HEMK2: variants seen among roughly 807,000 people sequenced by gnomAD.
HEMK2 encodes methyltransferase HEMK2.
the HEMK2 span, among the ~76,000 whole-genome samples, chr21:28,847,245 G>A: frequency 2.0e-5 from 3 of 152,158 alleles, no homozygotes; most frequent in Admixed American, 1.3e-4. Context: ...CACCAGCAAT[G>A]TATAAGCATT....
At chr21:28,663,435 T>A in the HEMK2 span, among the ~76,000 whole-genome samples, 1 of 152,216 alleles carries the variant, frequency 6.6e-6, no homozygotes, top group Non-Finnish European at 1.5e-5. Flanking sequence ...TTAAACATTG[T>A]ACCAGCCAAA....
chr21:28,646,685 T>C, the HEMK2 span, among the ~76,000 whole-genome samples: 2 of 152,202 alleles, frequency 1.3e-5, no homozygotes, highest in African/African-American at 4.8e-5. Flanking sequence ...TCATGGGCCA[T>C]GCATGTAAAA....
the HEMK2 span, among the ~76,000 whole-genome samples, chr21:28,761,263 C>T: frequency 7.7e-3 from 1,173 of 151,414 alleles, 15 homozygotes; most frequent in African/African-American, 0.027. Context: ...AACAATTCAG[C>T]GAAAAAAATA....
the HEMK2 span, among the ~76,000 whole-genome samples, chr21:28,603,661 T>G: frequency 2.6e-5 from 4 of 151,754 alleles, no homozygotes; most frequent in African/African-American, 9.7e-5. Context: ...TTGCATTTCC[T>G]TCTTAATTCT....
chr21:28,845,027 C>T, the HEMK2 span, among the ~76,000 whole-genome samples: 1 of 151,988 alleles, frequency 6.6e-6, no homozygotes, highest in African/African-American at 2.4e-5. Flanking sequence ...GGAAAAGATG[C>T]TCTCAGTTCA....
the HEMK2 span, among the ~76,000 whole-genome samples, chr21:28,691,238 A>G: frequency 2.8e-5 from 3 of 105,462 alleles, no homozygotes; most frequent in African/African-American, 1.8e-4. Context: ...CCAGTGAGAC[A>G]GTTCATATGA....
the HEMK2 span, among the ~76,000 whole-genome samples, chr21:28,607,671 C>T: frequency 3.3e-5 from 5 of 152,178 alleles, no homozygotes; most frequent in African/African-American, 1.2e-4. Flanking sequence ...CTCATTCTGT[C>T]TTATTTATTA....
chr21:28,744,733 T>C, the HEMK2 span, among the ~76,000 whole-genome samples: 1 of 152,236 alleles, frequency 6.6e-6, no homozygotes, highest in African/African-American at 2.4e-5. Context: ...TTCAACCACA[T>C]AAATGCATTA....
At chr21:28,776,203 G>A in the HEMK2 span, among the ~76,000 whole-genome samples, 1 of 152,200 alleles carries the variant, frequency 6.6e-6, no homozygotes. Flanking sequence ...AGGGTAAGCA[G>A]CCCTAATTAG....
the HEMK2 span, among the ~76,000 whole-genome samples, chr21:28,688,915 C>A: frequency 6.6e-6 from 1 of 152,018 alleles, no homozygotes; most frequent in Non-Finnish European, 1.5e-5. Context: ...CCAAATCCAG[C>A]CATGCCCATT....
chr21:28,814,611 C>G, the HEMK2 span, among the ~76,000 whole-genome samples: 2 of 151,652 alleles, frequency 1.3e-5, no homozygotes, highest in South Asian at 4.2e-4. Flanking sequence ...ATTTATGCAG[C>G]CAAAAAACAC....
the HEMK2 span, among the ~76,000 whole-genome samples, chr21:28,833,146 T>G: frequency 4.6e-5 from 7 of 152,252 alleles, no homozygotes; most frequent in Non-Finnish European, 7.3e-5. Context: ...GGTAGTATTG[T>G]CTGTCTTAGG....
chr21:28,831,626 AGAAG>A, the HEMK2 span, among the ~76,000 whole-genome samples: 99 of 73,208 alleles, frequency 1.4e-3, no homozygotes, highest in Non-Finnish European at 1.6e-3. Flanking sequence ...AAAGAAGGAA[AGAAG>A]GAAGGAAAGA....
At chr21:28,641,941 T>C in the HEMK2 span, among the ~76,000 whole-genome samples, 1 of 152,188 alleles carries the variant, frequency 6.6e-6, no homozygotes, top group African/African-American at 2.4e-5. Context: ...CCCACAAGAT[T>C]CAACAATGTC....
the HEMK2 span, among the ~76,000 whole-genome samples, chr21:28,601,137 C>A: frequency 6.6e-6 from 1 of 152,198 alleles, no homozygotes; most frequent in Non-Finnish European, 1.5e-5. Flanking sequence ...GTGCCTGGTT[C>A]TTTTCCTCAT....
At chr21:28,685,549 C>G in the HEMK2 span, among the ~76,000 whole-genome samples, 1 of 152,102 alleles carries the variant, frequency 6.6e-6, no homozygotes, top group Non-Finnish European at 1.5e-5. Flanking sequence ...CAAAGCCCAT[C>G]GTTGCAAACT....
At chr21:28,639,657 G>A in the HEMK2 span, among the ~76,000 whole-genome samples, 2 of 152,144 alleles carry the variant, frequency 1.3e-5, no homozygotes, top group Admixed American at 6.6e-5. Flanking sequence ...TAATTTATCC[G>A]AGTATCATCT....
chr21:28,616,066 C>T, the HEMK2 span, among the ~76,000 whole-genome samples: 1 of 152,192 alleles, frequency 6.6e-6, no homozygotes, highest in Non-Finnish European at 1.5e-5. Context: ...CATGGGGTCT[C>T]CAGAGGGAAC....
chr21:28,751,958 G>T, the HEMK2 span, among the ~76,000 whole-genome samples: 1 of 150,862 alleles, frequency 6.6e-6, no homozygotes, highest in African/African-American at 2.4e-5. Flanking sequence ...GCCTGGCCAA[G>T]ATTTATTTTT....
Sources: allele counts gnomAD v4.1 joint callset (sites outside exome capture counted in the v4.1 genomes callset), GRCh38; gene constraint gnomAD v4.1.1; transcripts MANE v1.5; gene names NCBI Gene and HGNC (gene_info 2026-07-23, HGNC 2026-07-21).